PHEX: variants seen among roughly 807,000 people sequenced by gnomAD.
PHEX encodes the protein phosphate regulating endopeptidase X-linked.
In PHEX, 16 loss-of-function variants were observed where a neutral mutation model predicts 68.0. The observed-to-expected ratio is 0.24, with a 90% confidence interval of 0.16 to 0.36. The LOEUF (loss-of-function observed/expected upper bound fraction) is 0.36, where lower values mean the gene tolerates loss of function less well. Among genes scored for constraint, PHEX ranks in the 10% least tolerant of loss-of-function variants. The pLI is 1.00. For synonymous variants in PHEX, 208 were observed against 205.1 expected (o/e 1.01, Z -0.12); for missense variants, 480 against 575.5 (o/e 0.83, Z 1.70).
chrX:22,091,459 A>G (rs1040309842), intron 6 of PHEX, among the ~76,000 whole-genome samples: 8 of 112,030 alleles, frequency 7.1e-5, no homozygotes, highest in Non-Finnish European at 1.1e-4. Context: ...CCTGACTGCT[A>G]TAGGTCAGAT....
chrX:22,084,284 GCATAT>G (rs1387693951), intron 5 of PHEX, among the ~76,000 whole-genome samples: 1 of 111,628 alleles, frequency 9.0e-6, no homozygotes, highest in African/African-American at 3.3e-5. Flanking sequence ...ACTGCACCCA[GCATAT>G]CATGTCTATT....
chrX:22,048,436 CT>C (rs748116669), intron 3 of PHEX, among the ~76,000 whole-genome samples: 1 of 111,293 alleles, frequency 9.0e-6, no homozygotes, highest in East Asian at 2.8e-4. Context: ...TCCTATTTCC[CT>C]TCTCTGGCTT....
At chrX:22,225,478 A>ATGACTT (rs1357117778) in intron 18 of PHEX, among the ~76,000 whole-genome samples, 1 of 111,514 alleles carries the variant, frequency 9.0e-6, no homozygotes, top group Non-Finnish European at 1.9e-5. Context: ...CAAGAGTTGA[A>ATGACTT]TGACTTTTCT....
intron 11 of PHEX, among the ~76,000 whole-genome samples, chrX:22,117,317 G>A (rs1305227706): frequency 9.0e-6 from 1 of 111,622 alleles, no homozygotes; most frequent in Non-Finnish European, 1.9e-5. Flanking sequence ...ATAGCAGCCT[G>A]ACCCTCAGTT....
At chrX:22,102,370 A>G (rs1390817108) in intron 9 of PHEX, among the ~76,000 whole-genome samples, 2 of 112,155 alleles carry the variant, frequency 1.8e-5, no homozygotes, top group Non-Finnish European at 3.8e-5. Flanking sequence ...TATGATCTCC[A>G]GTTCCACTCA....
At chrX:22,055,568 CT>C (rs113918782) in intron 3 of PHEX, among the ~76,000 whole-genome samples, 16,905 of 104,586 alleles carry the variant, frequency 0.16, 1,071 homozygotes, top group Middle Eastern at 0.2. Flanking sequence ...GTCAGGTTTT[CT>C]TTTTTTTTTT....
intron 15 of PHEX, among the ~76,000 whole-genome samples, chrX:22,211,588 T>C (rs1305766880): frequency 2.7e-5 from 3 of 112,372 alleles, no homozygotes; most frequent in African/African-American, 9.7e-5. Context: ...CTCAACTGTT[T>C]TTATTTTACT....
chrX:22,077,816 T>C, intron 5 of PHEX, 114 bp downstream of exon 5: 1 of 565,177 alleles, frequency 1.8e-6, no homozygotes, highest in Middle Eastern at 3.9e-4. Context: ...TAAAACACTT[T>C]TATTGAATAG....
chrX:22,099,525 G>C (rs1411258852), intron 9 of PHEX, among the ~76,000 whole-genome samples: 1 of 92,232 alleles, frequency 1.1e-5, no homozygotes, highest in Non-Finnish European at 2.2e-5. Flanking sequence ...TTTTTTTCCT[G>C]GTTCCTTTTT....
chrX:22,036,312 G>A (rs1003599864), intron 1 of PHEX, among the ~76,000 whole-genome samples: 3 of 108,606 alleles, frequency 2.8e-5, no homozygotes, highest in Admixed American at 1.0e-4. Flanking sequence ...CGCCCACCTC[G>A]GCCACCCAAA....
At chrX:22,055,862 G>T (rs963077874) in intron 3 of PHEX, among the ~76,000 whole-genome samples, 25 of 111,836 alleles carry the variant, frequency 2.2e-4, no homozygotes, top group Non-Finnish European at 4.7e-4. Flanking sequence ...TCCCAGACAG[G>T]TTTTCTTCTT....
intron 9 of PHEX, among the ~76,000 whole-genome samples, chrX:22,107,754 G>T (rs189874604): frequency 8.9e-6 from 1 of 112,017 alleles, no homozygotes; most frequent in African/African-American, 3.2e-5. Flanking sequence ...ACTTTTGGGT[G>T]CTAGTGTCTA....
chrX:22,052,890 A>G (rs1225597380), intron 3 of PHEX, among the ~76,000 whole-genome samples: 1 of 111,156 alleles, frequency 9.0e-6, no homozygotes, highest in African/African-American at 3.3e-5. Context: ...CTCAGACCTC[A>G]CCATTATCCA....
At position 22,224,161 on chromosome X, in the gene PHEX, T is replaced by TTAA. The variant is rs771888924; in HGVS notation, c.1900-2279_1900-2277dup. On this transcript the variant is annotated intron_variant, in intron 18 of 21. Coordinates refer to ENST00000379374, the MANE Select transcript of PHEX (RefSeq NM_000444.6). ...CCACGCCTGGCTGATTTTTGTATTT[T>TTAA]TAATAGATACGGGGTTTCTTCATGT... is the stretch of plus-strand genomic sequence containing the variant. Among the ~76,000 whole-genome samples the TTAA allele has an allele frequency of 1.5e-4, 17 of 111,591 alleles. 1 individual carries two copies. In the East Asian group the frequency reaches 4.8e-3, roughly 32 times the overall value.
intron 3 of PHEX, among the ~76,000 whole-genome samples, chrX:22,074,934 G>A (rs903284837): frequency 9.1e-6 from 1 of 109,896 alleles, no homozygotes; most frequent in Admixed American, 9.8e-5. Context: ...AAAATTAGCC[G>A]AGTGTGGTGG....
chrX:22,240,884 T>TATC (rs1282412618), intron 20 of PHEX, among the ~76,000 whole-genome samples: 1 of 111,526 alleles, frequency 9.0e-6, no homozygotes, highest in African/African-American at 3.3e-5. Flanking sequence ...TTAACAAGGA[T>TATC]ATCCAGGGCT....
rs541619921 is a variant in PHEX, at chrX:22,195,915, G to A, written c.1645+5413G>A. Among the ~76,000 whole-genome samples the A allele has an allele frequency of 2.1e-4, 24 of 111,772 alleles. No homozygotes were observed. The South Asian group carries it at 8.7e-3, about 41-fold the overall frequency. On this transcript the variant is annotated intron_variant, in intron 15 of 21. Coordinates refer to ENST00000379374, the MANE Select transcript of PHEX (RefSeq NM_000444.6). ...TGTCTGGCTGGGTGTGGTGGCTCAC[G>A]CTTGTAATCCCAGCACTTTGGGAGG...
At chrX:22,134,819 A>G (rs1932164523) in intron 12 of PHEX, among the ~76,000 whole-genome samples, 1 of 111,511 alleles carries the variant, frequency 9.0e-6, no homozygotes, top group African/African-American at 3.3e-5. Context: ...GGCCTGGGTT[A>G]ATGGATCATG....
intron 5 of PHEX, among the ~76,000 whole-genome samples, chrX:22,082,957 A>G (rs1171130981): frequency 1.8e-5 from 2 of 112,128 alleles, no homozygotes; most frequent in African/African-American, 3.2e-5. Context: ...ATTTCAAACT[A>G]TAGTATAAGG....
Sources: allele counts gnomAD v4.1 joint callset (sites outside exome capture counted in the v4.1 genomes callset), GRCh38; gene constraint gnomAD v4.1.1; transcripts MANE v1.5; gene names NCBI Gene and HGNC (gene_info 2026-07-23, HGNC 2026-07-21).